The following SYNE1 variants were observed in gnomAD, a reference collection of about 807,000 sequenced individuals.
SYNE1 encodes spectrin repeat containing nuclear envelope protein 1.
Under a neutral mutation model 1,111.0 loss-of-function variants are expected in SYNE1, and 616 were observed. The ratio of observed to expected loss-of-function variants is 0.55; its 90% CI spans 0.52 to 0.59. The LOEUF (loss-of-function observed/expected upper bound fraction) is 0.59. Among genes scored for constraint, SYNE1 ranks in the 20% least tolerant of loss-of-function variants. The pLI, the probability that SYNE1 is intolerant of heterozygous loss-of-function variation, is 0.00. For synonymous variants in SYNE1, 3,855 were observed against 3,825.8 expected (o/e 1.01, Z -0.28); for missense variants, 10,006 against 10,417.0 (o/e 0.96, Z 1.72).
At position 152,353,376 on chromosome 6, in the gene SYNE1, G is replaced by A. The variant is rs769858593; in HGVS notation, c.11140C>T (p.Leu3714Phe). Residue 3714 changes from leucine to phenylalanine, a missense_variant, in exon 69 of 146, where the codon CTC becomes TTC. By Grantham distance (22) the Leu-to-Phe change is conservative. Transcript: ENST00000367255. ...CCATACCAATCAGAATAGGAACTGA[G>A]GGATGATTCTGATTCCTCCAAACTC... ...IQSLEESESS[L>F]SSYSDWYGST... 3.1e-6 allele frequency: 5 copies of A among 1,614,082 alleles called. No individual in the cohort carries two copies. Among genetic ancestry groups the A allele is most frequent in the Non-Finnish European group, 4.2e-6 (5 of 1,180,046 alleles).
chr6:152,477,600 T>C (rs1049364328), intron 14 of SYNE1, among the ~76,000 whole-genome samples: 9 of 152,324 alleles, frequency 5.9e-5, no homozygotes, highest in Admixed American at 5.9e-4. Flanking sequence ...CCTTTTACTT[T>C]CTAACCTAAA....
intron 95 of SYNE1, among the ~76,000 whole-genome samples, chr6:152,288,577 C>T (rs956901235): frequency 6.6e-6 from 1 of 152,118 alleles, no homozygotes; most frequent in Non-Finnish European, 1.5e-5. Context: ...GAGACAGTCT[C>T]GCTCTGTCAC....
At chr6:152,583,694 G>T (rs1051602816) in intron 3 of SYNE1, among the ~76,000 whole-genome samples, 1 of 152,150 alleles carries the variant, frequency 6.6e-6, no homozygotes, top group Non-Finnish European at 1.5e-5. Context: ...ACTCAGATGA[G>T]CCTGTCAGTC....
intron 127 of SYNE1, among the ~76,000 whole-genome samples, chr6:152,192,364 T>C (rs1240424854): frequency 6.6e-6 from 1 of 152,120 alleles, no homozygotes; most frequent in African/African-American, 2.4e-5. Flanking sequence ...GCAGCTATTA[T>C]TGTATTTGGG....
chr6:152,234,972 C>T (rs939803332), intron 110 of SYNE1, among the ~76,000 whole-genome samples, 172 bp from the exon 111 acceptor site: 4 of 152,130 alleles, frequency 2.6e-5, no homozygotes, highest in African/African-American at 9.7e-5. Flanking sequence ...TTTATCAAGC[C>T]TGTCTCTCTG....
At position 152,140,064 on chromosome 6, in the gene SYNE1, G is replaced by A. The variant is rs1389948211; in HGVS notation, c.25344C>T (p.Asp8448=). ...NLQKWQQFNS[D]LNSIWAWLGD... ...CCAGCCAGGCCCAGATGCTGTTCAA[G>A]TCTGAGTTAAACTGCTGCCACTTCT... Residue 8448 remains aspartate (D), a synonymous_variant, in exon 140 of 146, where the codon GAC becomes GAT. Transcript: ENST00000367255. The A allele has an allele frequency of 1.2e-6, 2 of 1,614,178 alleles. No homozygotes were observed. The highest frequency in any genetic ancestry group is 1.7e-6 in the Non-Finnish European group (2 of 1,180,038).
At chr6:152,587,181 A>G (rs1317644961) in intron 3 of SYNE1, among the ~76,000 whole-genome samples, 2 of 152,144 alleles carry the variant, frequency 1.3e-5, no homozygotes, top group African/African-American at 4.8e-5. Context: ...TCCTATCCTA[A>G]AGATTTGGGT....
At chr6:152,256,428 T>TAAAAAATA (rs1415990011) in intron 102 of SYNE1, among the ~76,000 whole-genome samples, 1 of 126,472 alleles carries the variant, frequency 7.9e-6, no homozygotes, top group Non-Finnish European at 1.6e-5. Flanking sequence ...AGACTCGGTC[T>TAAAAAATA]AAAAAATAAA....
rs763091389 is a variant in SYNE1 at position 152,284,044 on chromosome 6, G to A, written c.18141C>T (p.Leu6047=). ...PAEQLALQST[L]TVLAERMSTI... ...TGGACATTCGCTCGGCTAAGACAGTGAGCGTGGACTGCAAGGCCAGCTGCT... is the reference window on the plus strand; with the variant it reads ...TGGACATTCGCTCGGCTAAGACAGTAAGCGTGGACTGCAAGGCCAGCTGCT... Residue 6047 remains leucine, a synonymous_variant, in exon 96 of 146, where the codon CTC becomes CTT. Transcript: ENST00000367255. The A allele has an allele frequency of 6.2e-7, 1 of 1,614,222 alleles. No individual in the cohort carries two copies. The highest frequency in any genetic ancestry group is 8.5e-7 in the Non-Finnish European group (1 of 1,180,036).
intron 127 of SYNE1, 116 bp downstream of exon 127, chr6:152,201,708 T>C (rs574032784): frequency 6.9e-5 from 103 of 1,495,290 alleles, no homozygotes; most frequent in South Asian, 5.6e-4. Context: ...TTATGTCATA[T>C]ACTAGGATCT....
rs1005430332 is a variant in SYNE1 at position 152,275,753 on chromosome 6, C to T, written c.18573+2336G>A. ...AAAAATTAGCTAGGCAGGTGGTGCG[C>T]GCCTATAGTCCCAGCTACTCAGGAG... On this transcript the variant is annotated intron_variant, in intron 98 of 145. Coordinates refer to ENST00000367255, the MANE Select transcript of SYNE1 (RefSeq NM_182961.4). Among the ~76,000 whole-genome samples, 17 of 151,220 alleles carry T rather than the reference C, an allele frequency of 1.1e-4. No individual in the cohort carries two copies. The South Asian group carries it at 2.1e-3, about 19-fold the overall frequency.
intron 128 of SYNE1, among the ~76,000 whole-genome samples, chr6:152,186,570 AAAAAAAAAAAAAAAAAAAAAAAAAAAG>A (rs2070080734): frequency 9.0e-6 from 1 of 111,306 alleles, no homozygotes; most frequent in African/African-American, 3.4e-5. Context: ...AAAAAAAAAA[AAAAAAAAAAAAAAAAAAAAAAAAAAAG>A]AAGAAGAAGA....
chr6:152,371,696 A>G (rs1369350386), intron 59 of SYNE1, among the ~76,000 whole-genome samples: 2 of 59,010 alleles, frequency 3.4e-5, no homozygotes, highest in Non-Finnish European at 6.1e-5. Context: ...GAGGGGGAGG[A>G]GAGGGGAAGG....
At chr6:152,605,453 C>T (rs1487855677) in intron 3 of SYNE1, among the ~76,000 whole-genome samples, 1 of 152,116 alleles carries the variant, frequency 6.6e-6, no homozygotes, top group Non-Finnish European at 1.5e-5. Flanking sequence ...TCTAATGTTC[C>T]ACATCAATAA....
At chr6:152,586,229 A>G (rs1396157212) in intron 3 of SYNE1, among the ~76,000 whole-genome samples, 2 of 152,184 alleles carry the variant, frequency 1.3e-5, no homozygotes, top group African/African-American at 4.8e-5. Context: ...ATTATTTCTA[A>G]CAATTCAAAT....
At chr6:152,609,494 C>T (rs2099625291) in intron 3 of SYNE1, among the ~76,000 whole-genome samples, 1 of 152,178 alleles carries the variant, frequency 6.6e-6, no homozygotes, top group African/African-American at 2.4e-5. Context: ...AGAGCCCACA[C>T]AGGTCAGCAA....
rs77483026 is a variant in SYNE1 at position 152,404,335 on chromosome 6, TAACTA to T, written c.6724-26_6724-22del. 30,715 of 1,567,548 alleles carry T rather than the reference TAACTA, an allele frequency of 0.02. 2,031 individuals carry two copies. The East Asian group carries it at 0.23, about 12-fold the overall frequency. ...TCAGACTGCCAAAAGGGAAGAAACA[TAACTA>T]ATCAAAAACACTGACATGCTATATT... On this transcript the variant is annotated intron_variant, in intron 45 of 145. Coordinates refer to ENST00000367255, the MANE Select transcript of SYNE1 (RefSeq NM_182961.4).
Position 152,502,758 on chromosome 6 carries a change from A to T in SYNE1, c.779-16T>A, listed in dbSNP as rs1415263233. The T allele has an allele frequency of 6.5e-7, 1 of 1,547,300 alleles. No individual in the cohort carries two copies. Among genetic ancestry groups the T allele is most frequent in the South Asian group, 1.1e-5 (1 of 89,700 alleles). ...ACATCAACGTCTGAAAAAACAAAAA[A>T]GAAATGTGAATAAACTAATTAGCAT... On this transcript the variant is annotated splice_polypyrimidine_tract_variant and intron_variant, in intron 9 of 145. Coordinates refer to ENST00000367255, the MANE Select transcript of SYNE1 (RefSeq NM_182961.4).
intron 87 of SYNE1, among the ~76,000 whole-genome samples, chr6:152,311,492 G>C (rs967656664): frequency 2.6e-5 from 4 of 152,130 alleles, no homozygotes; most frequent in Non-Finnish European, 5.9e-5. Flanking sequence ...ACCATTCAAT[G>C]TACAGTCTAT....
Sources: gnomAD v4.1 joint callset for allele counts (sites outside exome capture counted in the v4.1 genomes callset) on GRCh38, gnomAD v4.1.1 for gene constraint, MANE v1.5 for transcripts, NCBI Gene and HGNC (gene_info 2026-07-23, HGNC 2026-07-21) for gene names.